Variants in OCSTAMP observed in about 807,000 individuals in gnomAD.
OCSTAMP encodes the protein transmembrane protein C20orf123.
OCSTAMP carries 17 observed loss-of-function variants against 25.2 expected under a neutral mutation model. The ratio of observed to expected loss-of-function variants is 0.68; its 90% CI spans 0.46 to 1.01. The LOEUF (loss-of-function observed/expected upper bound fraction) is 1.01. Among genes scored for constraint, OCSTAMP ranks in the 50% least tolerant of loss-of-function variants. The probability of loss-of-function intolerance (pLI) is 0.00; values close to 1 mark genes in which losing one functional copy is unlikely to be tolerated. For synonymous variants in OCSTAMP, 345 were observed against 318.9 expected (o/e 1.08, Z -0.87); for missense variants, 664 against 694.6 (o/e 0.96, Z 0.50).
intron 2 of OCSTAMP, among the ~76,000 whole-genome samples, chr20:46,544,876 G>A (rs987887808): frequency 6.6e-6 from 1 of 152,174 alleles, no homozygotes; most frequent in Non-Finnish European, 1.5e-5. Flanking sequence ...CCTCCAGTCT[G>A]ACATAGACAG....
Position 46,545,444 on chromosome 20 carries a change from G to T in OCSTAMP, c.930C>A (p.Leu310=). 1 of 1,551,184 alleles carries T rather than the reference G, an allele frequency of 6.4e-7. No individual in the cohort carries two copies. Among genetic ancestry groups the T allele is most frequent in the Non-Finnish European group, 8.7e-7 (1 of 1,146,798 alleles). ...TGGCCACCGCCACAGCCGTGGCCAC[G>T]AGGAGCAGGGCAAGCAGCCCCAGCC... The part of the protein sequence containing the change: ...LLRLGLLALL[L]VATAVAVATD... Residue 310 remains leucine, a synonymous_variant, in exon 2 of 3, where the codon CTC becomes CTA. Transcript: ENST00000279028.
At position 46,545,422 on chromosome 20, in the gene OCSTAMP, C is replaced by G. The variant is rs2061848120; in HGVS notation, c.952G>C (p.Ala318Pro). ...AGGAGGAAGGCTACATGGTCTGTGG[C>G]CACCGCCACAGCCGTGGCCACGAGG... ...LLLVATAVAV[A>P]TDHVAFLLAQ... The change falls in exon 2 of 3, where the codon GCC becomes CCC. Residue 318 changes from alanine to proline, a missense_variant. Transcript: ENST00000279028. 1.9e-6 allele frequency: 3 copies of G among 1,549,850 alleles called. No homozygotes were observed. In the East Asian group the frequency reaches 7.3e-5, roughly 38 times the overall value.
intron 2 of OCSTAMP, 53 bp downstream of exon 2, chr20:46,545,274 C>A: frequency 7.1e-7 from 1 of 1,415,608 alleles, no homozygotes; most frequent in African/African-American, 1.4e-5. Flanking sequence ...AACAGATTCT[C>A]CCCCTGCCCT....
At chr20:46,548,584 C>T in intron 1 of OCSTAMP, among the ~76,000 whole-genome samples, 1 of 152,180 alleles carries the variant, frequency 6.6e-6, no homozygotes, top group East Asian at 1.9e-4. Flanking sequence ...GGGGCAATAA[C>T]ATATGTGCTG....
intron 2 of OCSTAMP, 130 bp downstream of exon 2, chr20:46,545,197 G>A (rs1601102548): frequency 5.1e-6 from 5 of 988,716 alleles, no homozygotes; most frequent in Non-Finnish European, 5.6e-6. Context: ...CATGGTATGG[G>A]GCCCCATGGA....
chr20:46,550,576 G>A lies in OCSTAMP; in HGVS notation c.-16C>T. The A allele has an allele frequency of 1.3e-6, 2 of 1,551,620 alleles. No homozygotes were observed. The highest frequency in any genetic ancestry group is 1.7e-6 in the Non-Finnish European group (2 of 1,146,922). On this transcript the variant is annotated 5_prime_UTR_variant, in exon 1 of 3. Coordinates refer to ENST00000279028, the MANE Select transcript of OCSTAMP (RefSeq NM_080721.3). The stretch of plus-strand genomic sequence containing the variant: ...GGCCTGGCATGCTGTCCAAATGGCA[G>A]TGGTTTCAGGCGGGCGGTCGCTGGC...
At chr20:46,549,352 G>A (rs1280352713) in intron 1 of OCSTAMP, among the ~76,000 whole-genome samples, 1 of 152,228 alleles carries the variant, frequency 6.6e-6, no homozygotes, top group Non-Finnish European at 1.5e-5. Context: ...CCCAGGCTCT[G>A]TGCTGACCCC....
chr20:46,543,183 CCTCT>C (rs1026924378), intron 2 of OCSTAMP, among the ~76,000 whole-genome samples: 2 of 151,270 alleles, frequency 1.3e-5, no homozygotes, highest in South Asian at 4.2e-4. Context: ...TTCGTCCCTC[CCTCT>C]CTCTCTCATT....
Position 46,545,945 on chromosome 20 carries a change from A to G in OCSTAMP, c.429T>C (p.Gly143=). The change falls in exon 2 of 3, where the codon GGT becomes GGC. Residue 143 remains glycine, a synonymous_variant. Transcript: ENST00000279028. ...AVVPNVLANV[G]AAGQVLRCVT... is the part of the protein sequence containing the mutation. ...CACACCTCAGCACCTGCCCGGCCGC[A>G]CCCACGTTGGCCAGGACGTTGGGCA... The G allele has an allele frequency of 1.3e-6, 2 of 1,551,364 alleles. No homozygotes were observed. Among genetic ancestry groups the G allele is most frequent in the Non-Finnish European group, 1.7e-6 (2 of 1,146,984 alleles).
chr20:46,545,726 G>GGAATCCAGGCCAGA lies in OCSTAMP; in HGVS notation c.647_648insTCTGGCCTGGATTC (p.Arg219TrpfsTer10). 1 of 1,551,604 alleles carries GGAATCCAGGCCAGA rather than the reference G, an allele frequency of 6.4e-7. No homozygotes were observed. On this transcript the variant is annotated frameshift_variant, in exon 2 of 3. Transcript: ENST00000279028. LOFTEE classifies it high-confidence loss of function. ...TCCCTAGCGCTGCTGCCCGGGCCAG[G>GGAATCCAGGCCAGA]GACTCCAGGCCAGAGAAATCCTCCA...
rs73622671 is a variant in OCSTAMP, at chr20:46,546,520, C to G, written c.45-191G>C. 6.0e-4 allele frequency among the ~76,000 whole-genome samples: 91 copies of G among 152,316 alleles called. 1 individual carries two copies. The East Asian group carries it at 0.016, about 27-fold the overall frequency. On this transcript the variant is annotated intron_variant, in intron 1 of 2. Coordinates refer to ENST00000279028, the MANE Select transcript of OCSTAMP (RefSeq NM_080721.3). Reference sequence around the variant, plus strand: ...ACAAGCTGAACCAATCAGAGCCTTCCCCAGGATTACTCTCGCTGGAACTGT... The same window carrying G: ...ACAAGCTGAACCAATCAGAGCCTTCGCCAGGATTACTCTCGCTGGAACTGT...
At chr20:46,542,046 C>G in intron 2 of OCSTAMP, 119 bp from the exon 3 acceptor site, 2 of 1,331,732 alleles carry the variant, frequency 1.5e-6, no homozygotes, top group South Asian at 4.7e-5. Flanking sequence ...AGAAATAACC[C>G]GTTTCCCAGG....
At position 46,541,911 on chromosome 20, in the gene OCSTAMP, A is replaced by T; in HGVS notation, c.1064T>A (p.Leu355Gln). The change falls in exon 3 of 3, where the codon CTG becomes CAG. Residue 355 changes from leucine (L) to glutamine (Q), a missense_variant. By Grantham distance (113) the Leu-to-Gln change is moderately radical. Coordinates refer to ENST00000279028, the MANE Select transcript of OCSTAMP (RefSeq NM_080721.3). ...GTTGAAGAGGAAAGGGATGAAGCCC[A>T]GGACAGTGTATGCCACCTTGGGAAA... is the stretch of plus-strand genomic sequence containing the variant. ...TVKYDVAYTV[L>Q]GFIPFLFNQL... The T allele has an allele frequency of 6.9e-7, 1 of 1,448,056 alleles. No homozygotes were observed. 89.7% of individuals were successfully genotyped at this position (1,448,056 alleles called of 1,614,324 possible). A position where few individuals can be genotyped will look rare whatever the true frequency, so the allele number is the denominator to read the frequency against.
chr20:46,546,622 A>C (rs1286461765), intron 1 of OCSTAMP, among the ~76,000 whole-genome samples: 1 of 152,220 alleles, frequency 6.6e-6, no homozygotes, highest in Non-Finnish European at 1.5e-5. Context: ...CCATTATTAC[A>C]GTTTTGTGAA....
rs1199886989 is a variant in OCSTAMP, at chr20:46,541,798, G to C, written c.1177C>G (p.Pro393Ala). ...RLTSARCPLL[P>A]ARRPRAAAPL... ...GCAGCTGCGCGGGGACGCCGGGCGG[G>C]TAGCAGTGGGCAGCGGGCGGAGGTG... Residue 393 changes from proline (P) to alanine (A), a missense_variant, in exon 3 of 3, where the codon CCC becomes GCC. Physicochemically the swap from Pro to Ala is conservative, Grantham distance 27 (BLOSUM62 -1). Coordinates refer to ENST00000279028, the MANE Select transcript of OCSTAMP (RefSeq NM_080721.3). The C allele has an allele frequency of 8.1e-6, 12 of 1,490,618 alleles. No homozygotes were observed. In the Admixed American group the frequency reaches 3.1e-4, roughly 38 times the overall value. 92.3% of individuals were successfully genotyped at this position (1,490,618 alleles called of 1,614,324 possible).
At chr20:46,543,012 G>C (rs1357184016) in intron 2 of OCSTAMP, among the ~76,000 whole-genome samples, 2 of 152,208 alleles carry the variant, frequency 1.3e-5, no homozygotes, top group Non-Finnish European at 2.9e-5. Context: ...CAATGGTGGG[G>C]CATCACCGGG....
At chr20:46,546,363 A>C in intron 1 of OCSTAMP, 34 bp from the exon 2 acceptor site, 2 of 1,131,222 alleles carry the variant, frequency 1.8e-6, no homozygotes, top group Non-Finnish European at 2.5e-6. Flanking sequence ...CATCTCTATC[A>C]GGAGGTGGGT....
At chr20:46,543,433 A>G (rs1373800438) in intron 2 of OCSTAMP, among the ~76,000 whole-genome samples, 2 of 149,238 alleles carry the variant, frequency 1.3e-5, no homozygotes, top group Non-Finnish European at 3.0e-5. Context: ...GGTTCAAGCG[A>G]TTATCTCACC....
In OCSTAMP at chr20:46,545,916, G is replaced by T. The variant is rs2061850523; in HGVS notation, c.458C>A (p.Thr153Asn). Residue 153 changes from threonine to asparagine, a missense_variant, in exon 2 of 3, where the codon ACC becomes AAC. Transcript: ENST00000279028. ...GAAGQVLRCVTEGSLESLLNT... is the reference protein window; with the variant it reads ...GAAGQVLRCVNEGSLESLLNT... Reference sequence around the variant, plus strand: ...GAGGAGACTCTCCAGGGAGCCCTCGGTGACACACCTCAGCACCTGCCCGGC... The same window carrying T: ...GAGGAGACTCTCCAGGGAGCCCTCGTTGACACACCTCAGCACCTGCCCGGC... 1 of 1,551,204 alleles carries T rather than the reference G, an allele frequency of 6.4e-7. No homozygotes were observed. The highest frequency in any genetic ancestry group is 1.4e-5 in the African/African-American group (1 of 73,064).
Sources: allele counts gnomAD v4.1 joint callset (sites outside exome capture counted in the v4.1 genomes callset), GRCh38; gene constraint gnomAD v4.1.1; transcripts MANE v1.5; gene names NCBI Gene and HGNC (gene_info 2026-07-23, HGNC 2026-07-21).